KLHDC4: variants seen among roughly 807,000 people sequenced by gnomAD.
KLHDC4 encodes kelch domain-containing protein 4.
KLHDC4 carries 90 observed loss-of-function variants against 62.4 expected under a neutral mutation model. The ratio of observed to expected loss-of-function variants is 1.44; its 90% CI spans 1.22 to 1.72. The LOEUF is 1.72. Ranked by LOEUF, KLHDC4 falls within the 40% of genes most tolerant of loss-of-function variation. KLHDC4 has a pLI of 0.00. For synonymous variants in KLHDC4, 386 were observed against 284.4 expected, an observed-to-expected ratio of 1.36 and a Z score of -3.59; for missense variants, 1,025 against 699.7, an observed-to-expected ratio of 1.47 and a Z score of -5.25.
chr16:87,758,160 T>C (rs554291820), intron 2 of KLHDC4, among the ~76,000 whole-genome samples: 151 of 152,342 alleles, frequency 9.9e-4, no homozygotes, highest in South Asian at 3.9e-3. Context: ...AGGCTGGGAA[T>C]TTCTGCAGGA....
chr16:87,724,221 CTT>C (rs1230078893), intron 7 of KLHDC4, among the ~76,000 whole-genome samples: 1 of 152,176 alleles, frequency 6.6e-6, no homozygotes, highest in African/African-American at 2.4e-5. Context: ...TAATGCTGCT[CTT>C]GAGAATTAGT....
chr16:87,760,522 G>A (rs991592935), intron 2 of KLHDC4, among the ~76,000 whole-genome samples: 7 of 148,908 alleles, frequency 4.7e-5, no homozygotes, highest in African/African-American at 1.7e-4. Flanking sequence ...CAGGAGAATG[G>A]CGTGAACCCG....
downstream of KLHDC4, chr16:87,703,400 T>C (rs924808518): frequency 5.2e-5 from 8 of 152,478 alleles, no homozygotes; most frequent in African/African-American, 1.9e-4. Context: ...CTCCCGGCAG[T>C]GGAGGCAGCG....
intron 5 of KLHDC4, among the ~76,000 whole-genome samples, chr16:87,734,682 T>C (rs2040970276): frequency 6.6e-6 from 1 of 152,194 alleles, no homozygotes; most frequent in Admixed American, 6.5e-5. Context: ...GGAGTTGGCA[T>C]GAGCCTTTGG....
Position 87,709,467 on chromosome 16 carries a change from G to C in KLHDC4, c.1245C>G (p.Asp415Glu), listed in dbSNP as rs113777424. 251 of 1,611,670 alleles carry C rather than the reference G, an allele frequency of 1.6e-4. No individual in the cohort carries two copies. In the African/African-American group the frequency reaches 2.3e-3, roughly 14 times the overall value. ...TGCCGGCCTCCTCAAGGCTGTCTTC[G>C]TCCTCAGACCGGGGCTGCCCCGCCG... ...PGSAGQPRSE[D>E]EDSLEEAGSP... Residue 415 changes from aspartate (D) to glutamate (E), a missense_variant, in exon 10 of 12, where the codon GAC (aspartate) becomes GAG (glutamate). Physicochemically the swap from Asp to Glu is conservative, Grantham distance 45 (BLOSUM62 2). Transcript: ENST00000270583.
chr16:87,709,010 C>T (rs1490205069), intron 10 of KLHDC4, among the ~76,000 whole-genome samples: 1 of 152,252 alleles, frequency 6.6e-6, no homozygotes, highest in Non-Finnish European at 1.5e-5. Context: ...GCAGCAGATG[C>T]ACCCGTGTCC....
downstream of KLHDC4, among the ~76,000 whole-genome samples, chr16:87,706,369 TTGGGGGGGTCGGCG>T (rs2034717288): frequency 1.2e-5 from 1 of 86,204 alleles, no homozygotes; most frequent in African/African-American, 4.6e-5. Flanking sequence ...GCTGCAGCCC[TTGGGGGGGTCGGCG>T]TGGGGGGGTT....
At chr16:87,727,130 G>A (rs938263821) in intron 6 of KLHDC4, among the ~76,000 whole-genome samples, 1 of 152,120 alleles carries the variant, frequency 6.6e-6, no homozygotes, top group Non-Finnish European at 1.5e-5. Flanking sequence ...CGCCAGTCAG[G>A]TCTCCTCAAA....
intron 6 of KLHDC4, among the ~76,000 whole-genome samples, chr16:87,730,246 G>A (rs913597731): frequency 6.6e-6 from 1 of 152,240 alleles, no homozygotes; most frequent in Non-Finnish European, 1.5e-5. Flanking sequence ...GAGGCACCAT[G>A]CCCAGCCAAA....
chr16:87,756,020 T>C (rs746622061), intron 3 of KLHDC4: 1 of 174,762 alleles, frequency 5.7e-6, no homozygotes, highest in Non-Finnish European at 1.2e-5. Context: ...TGCTCAAAAA[T>C]AAAAATTAGC....
chr16:87,760,378 C>T (rs1299111945), intron 2 of KLHDC4, among the ~76,000 whole-genome samples: 6 of 151,402 alleles, frequency 4.0e-5, no homozygotes, highest in African/African-American at 1.2e-4. Context: ...GAGGCTGAGG[C>T]GGGCGGATCA....
chr16:87,726,909 G>A lies in KLHDC4; in HGVS notation c.615C>T (p.Tyr205=). 1 of 1,613,938 alleles carries A rather than the reference G, an allele frequency of 6.2e-7. No homozygotes were observed. Among genetic ancestry groups the A allele is most frequent in the South Asian group, 1.1e-5 (1 of 91,084 alleles). The change falls in exon 7 of 12, where the codon TAC becomes TAT. Residue 205 remains tyrosine (Y), a synonymous_variant. Transcript: ENST00000270583. ...FHESTRDYIY[Y]NDVYAFNLDT... ...CCAGATTAAAGGCATACACGTCGTT[G>A]TAGTAGATGTAATCCCTGGTTAGAA...
downstream of KLHDC4, chr16:87,703,015 GA>G (rs1228478713): frequency 6.6e-6 from 1 of 152,190 alleles, no homozygotes; most frequent in Non-Finnish European, 1.5e-5. Flanking sequence ...AGATTAAAAA[GA>G]AATTCTGCTC....
intron 1 of KLHDC4, 75 bp from the exon 2 acceptor site, chr16:87,762,115 C>T: frequency 6.3e-7 from 1 of 1,588,114 alleles, no homozygotes; most frequent in African/African-American, 1.4e-5. Flanking sequence ...CTCAGCTTTC[C>T]TCCAATCAGT....
chr16:87,761,422 A>C (rs1404245073), intron 2 of KLHDC4, among the ~76,000 whole-genome samples: 1 of 152,226 alleles, frequency 6.6e-6, no homozygotes, highest in Admixed American at 6.5e-5. Flanking sequence ...TCTCCTACTG[A>C]GGGAAATAAA....
downstream of KLHDC4, among the ~76,000 whole-genome samples, chr16:87,705,282 G>T (rs12447897): frequency 0.08 from 12,162 of 152,318 alleles, 665 homozygotes; most frequent in Admixed American, 0.18. Context: ...GGTAAACTGG[G>T]CCCCGGCAGA....
intron 8 of KLHDC4, 50 bp from the exon 9 acceptor site, chr16:87,711,493 G>C (rs1461922818): frequency 1.3e-6 from 2 of 1,521,590 alleles, no homozygotes; most frequent in African/African-American, 2.7e-5. Flanking sequence ...GAAGGACCCT[G>C]AGAGCCAGCC....
intron 7 of KLHDC4, among the ~76,000 whole-genome samples, chr16:87,719,506 A>C (rs2037817816): frequency 6.6e-6 from 1 of 152,144 alleles, no homozygotes; most frequent in Non-Finnish European, 1.5e-5. Context: ...CCCTAATCTC[A>C]ACTACCCAGG....
In KLHDC4 at chr16:87,763,108, T is replaced by G. The variant is rs116073929; in HGVS notation, c.100-1068A>C. Among the ~76,000 whole-genome samples, 127 of 152,276 alleles carry G rather than the reference T, an allele frequency of 8.3e-4. 1 individual carries two copies. The highest frequency in any genetic ancestry group is 2.8e-3 in the African/African-American group (115 of 41,544). On this transcript the variant is annotated intron_variant, in intron 1 of 11. Transcript: ENST00000270583. Reference sequence around the variant, plus strand: ...CGATGCAATATTTAAAACACACAAGTTAACAGAACTTTATCCAAGACATTC... The same window carrying G: ...CGATGCAATATTTAAAACACACAAGGTAACAGAACTTTATCCAAGACATTC...
Sources: gnomAD v4.1 joint callset for allele counts (sites outside exome capture counted in the v4.1 genomes callset) on GRCh38, gnomAD v4.1.1 for gene constraint, MANE v1.5 for transcripts, NCBI Gene and HGNC (gene_info 2026-07-23, HGNC 2026-07-21) for gene names.